Variants in FSTL4 observed in about 807,000 individuals in gnomAD.
FSTL4 encodes the protein follistatin like 4, also known as follistatin-related protein 4.
FSTL4 carries 28 observed loss-of-function variants against 78.2 expected under a neutral mutation model. The observed-to-expected ratio is 0.36, with a 90% CI of 0.27 to 0.49. The LOEUF is 0.49. Ranked by LOEUF, FSTL4 falls within the 20% of genes least tolerant of loss-of-function variation. The pLI is 0.98. For missense variants in FSTL4, 922 were observed against 1,084.9 expected, an observed-to-expected ratio of 0.85 and a Z score of 2.11; for synonymous variants, 422 against 440.5, an observed-to-expected ratio of 0.96 and a Z score of 0.53.
At chr5:133,334,361 CT>C (rs1228917248) in intron 4 of FSTL4, among the ~76,000 whole-genome samples, 4 of 152,160 alleles carry the variant, frequency 2.6e-5, no homozygotes, top group Non-Finnish European at 5.9e-5. Flanking sequence ...CTGGGCACCC[CT>C]CTAAGTGGCA....
At chr5:133,294,634 G>T (rs1323109381) in intron 6 of FSTL4, among the ~76,000 whole-genome samples, 1 of 152,120 alleles carries the variant, frequency 6.6e-6, no homozygotes, top group Non-Finnish European at 1.5e-5. Flanking sequence ...CCTTACAGGT[G>T]GCCATATCCT....
At chr5:133,695,541 G>C in the FSTL4 span, among the ~76,000 whole-genome samples, 1 of 152,164 alleles carries the variant, frequency 6.6e-6, no homozygotes, top group Non-Finnish European at 1.5e-5. Flanking sequence ...GGACCAAAGA[G>C]GTCATAGCTG....
intron 1 of FSTL4, among the ~76,000 whole-genome samples, chr5:133,605,668 T>C (rs1422768831): frequency 6.6e-6 from 1 of 152,222 alleles, no homozygotes; most frequent in Admixed American, 6.5e-5. Context: ...TGTGGGCCTA[T>C]GGCACTGGCC....
the FSTL4 span, among the ~76,000 whole-genome samples, chr5:133,776,873 GC>G: frequency 6.6e-6 from 1 of 152,134 alleles, no homozygotes; most frequent in Non-Finnish European, 1.5e-5. Context: ...CACAGAGGAG[GC>G]CTGTATGTCC....
intron 6 of FSTL4, among the ~76,000 whole-genome samples, chr5:133,311,582 C>T (rs1361818353): frequency 6.6e-6 from 1 of 152,172 alleles, no homozygotes; most frequent in Admixed American, 6.5e-5. Flanking sequence ...CCTCTTCAGG[C>T]CTTGTGAAGG....
the FSTL4 span, among the ~76,000 whole-genome samples, chr5:133,813,282 T>A: frequency 1.5e-3 from 229 of 152,352 alleles, no homozygotes; most frequent in African/African-American, 5.4e-3. Flanking sequence ...GTAACATATC[T>A]GAAATATTGC....
At chr5:133,765,459 G>A in the FSTL4 span, among the ~76,000 whole-genome samples, 2 of 152,228 alleles carry the variant, frequency 1.3e-5, no homozygotes, top group African/African-American at 2.4e-5. Flanking sequence ...AAAAAACCTT[G>A]AGTCCAAAAC....
intron 4 of FSTL4, among the ~76,000 whole-genome samples, chr5:133,331,189 C>G (rs1053299852): frequency 1.3e-5 from 2 of 152,216 alleles, no homozygotes; most frequent in Admixed American, 6.5e-5. Context: ...TCTCCTGTCT[C>G]TGTTCTCCCA....
At chr5:133,700,298 CCACACCAAAACAT>C in the FSTL4 span, among the ~76,000 whole-genome samples, 1,727 of 151,438 alleles carry the variant, frequency 0.011, 33 homozygotes, top group African/African-American at 0.036. Context: ...CACCAAACCA[CCACACCAAAACAT>C]CACACCAAAA....
the FSTL4 span, among the ~76,000 whole-genome samples, chr5:133,764,911 T>C: frequency 6.6e-6 from 1 of 152,258 alleles, no homozygotes; most frequent in Non-Finnish European, 1.5e-5. Flanking sequence ...CCTGTGGGAT[T>C]TGGGGGTAGA....
chr5:133,400,979 G>C lies in FSTL4; in HGVS notation c.168C>G (p.Ser56=), dbSNP rs1245853216. The C allele has an allele frequency of 6.2e-7, 1 of 1,613,000 alleles. No homozygotes were observed. ...SFEVTRREGL[S]SHNELLASCG... ...AGGAGGCCAGCAGCTCGTTGTGGCT[G>C]GAAAGCCCTGCCAGACACACAAACA... is the stretch of plus-strand genomic sequence containing the variant. The change falls in exon 4 of 16, where the codon TCC becomes TCG. Residue 56 remains serine, a synonymous_variant. Coordinates refer to ENST00000265342, the MANE Select transcript of FSTL4 (RefSeq NM_015082.2).
chr5:133,603,108 G>T (rs1760906277), intron 2 of FSTL4, among the ~76,000 whole-genome samples: 1 of 152,148 alleles, frequency 6.6e-6, no homozygotes. Flanking sequence ...GGTTTTAATG[G>T]AAGGGTGAAG....
At chr5:133,816,362 C>T in the FSTL4 span, among the ~76,000 whole-genome samples, 1 of 152,196 alleles carries the variant, frequency 6.6e-6, no homozygotes, top group East Asian at 1.9e-4. Flanking sequence ...GTCCAGGTGA[C>T]CTGCTTAGGA....
At chr5:133,834,716 T>TA in the FSTL4 span, among the ~76,000 whole-genome samples, 3 of 152,004 alleles carry the variant, frequency 2.0e-5, no homozygotes, top group African/African-American at 7.2e-5. Context: ...AAGTAAAAAC[T>TA]AAAAAAATAT....
the FSTL4 span, among the ~76,000 whole-genome samples, chr5:133,631,001 A>G: frequency 6.6e-5 from 10 of 152,204 alleles, no homozygotes; most frequent in Admixed American, 2.6e-4. Context: ...TTAACTCAAG[A>G]TGGATTAAAG....
the FSTL4 span, among the ~76,000 whole-genome samples, chr5:133,628,647 G>A: frequency 1.3e-5 from 2 of 152,010 alleles, no homozygotes; most frequent in African/African-American, 4.8e-5. Context: ...GGTGTGAGCT[G>A]CCGTGCCCAG....
chr5:133,715,038 C>G, the FSTL4 span, among the ~76,000 whole-genome samples: 1 of 152,252 alleles, frequency 6.6e-6, no homozygotes, highest in Non-Finnish European at 1.5e-5. Flanking sequence ...ATAGACATTA[C>G]TCAGTCAAAT....
chr5:133,833,294 TC>T, the FSTL4 span, among the ~76,000 whole-genome samples: 1 of 152,248 alleles, frequency 6.6e-6, no homozygotes, highest in African/African-American at 2.4e-5. Flanking sequence ...GATGGGATTT[TC>T]TAAGATAACT....
chr5:133,244,970 A>G (rs940479368), intron 7 of FSTL4: 1 of 152,218 alleles, frequency 6.6e-6, no homozygotes, highest in African/African-American at 2.4e-5. Context: ...AAATAAAAAA[A>G]TTAGCCAGGC....
Sources: allele counts gnomAD v4.1 joint callset (sites outside exome capture counted in the v4.1 genomes callset), GRCh38; gene constraint gnomAD v4.1.1; transcripts MANE v1.5; gene names NCBI Gene and HGNC (gene_info 2026-07-23, HGNC 2026-07-21).